The following TMEM177 variants were observed in gnomAD, a reference collection of about 807,000 sequenced individuals.
TMEM177 encodes the protein transmembrane protein 177.
A neutral mutation model predicts 14.2 loss-of-function variants in TMEM177; 4 were observed. The observed-to-expected ratio is 0.28, with a 90% CI of 0.14 to 0.64. The LOEUF is 0.64. Among genes scored for constraint, TMEM177 ranks in the 30% least tolerant of loss-of-function variants. The pLI is 0.82. For synonymous variants in TMEM177, 179 were observed against 174.5 expected (o/e 1.03, Z -0.20); for missense variants, 344 against 405.2 (o/e 0.85, Z 1.30).
downstream of TMEM177, among the ~76,000 whole-genome samples, chr2:119,689,019 C>A (rs759765542): frequency 6.6e-6 from 1 of 152,120 alleles, no homozygotes; most frequent in Non-Finnish European, 1.5e-5. Context: ...CCTGGGCAAG[C>A]CTTTCTCAGA....
At chr2:119,682,330 C>T (rs1170658125), downstream of TMEM177, among the ~76,000 whole-genome samples, 1 of 152,144 alleles carries the variant, frequency 6.6e-6, no homozygotes, top group East Asian at 1.9e-4. Flanking sequence ...AGTCAGGGCA[C>T]ACCTCAACAC....
chr2:119,703,918 C>A, the TMEM177 span, among the ~76,000 whole-genome samples: 1 of 152,248 alleles, frequency 6.6e-6, no homozygotes, highest in Non-Finnish European at 1.5e-5. Context: ...AACTTGTCCA[C>A]ATCTCTGTAA....
At chr2:119,701,175 C>G in the TMEM177 span, among the ~76,000 whole-genome samples, 3 of 152,120 alleles carry the variant, frequency 2.0e-5, no homozygotes, top group Non-Finnish European at 4.4e-5. Context: ...GTCCTTTGCC[C>G]CAGGGAAGAG....
At chr2:119,708,499 C>G in the TMEM177 span, among the ~76,000 whole-genome samples, 1 of 152,112 alleles carries the variant, frequency 6.6e-6, no homozygotes, top group African/African-American at 2.4e-5. Context: ...TATTCAAATT[C>G]CCCCGATTGT....
At chr2:119,719,103 A>G in the TMEM177 span, among the ~76,000 whole-genome samples, 1 of 152,098 alleles carries the variant, frequency 6.6e-6, no homozygotes, top group South Asian at 2.1e-4. Flanking sequence ...AATCATGCCC[A>G]CAGCTTAATG....
At chr2:119,679,756 C>CATG (rs1266427098) in intron 1 of TMEM177, 2 of 152,216 alleles carry the variant, frequency 1.3e-5, no homozygotes, top group Non-Finnish European at 2.9e-5. Context: ...CAAGATTGGC[C>CATG]ATGAGTTGAT....
chr2:119,712,785 T>C, the TMEM177 span, among the ~76,000 whole-genome samples: 2 of 152,182 alleles, frequency 1.3e-5, no homozygotes, highest in African/African-American at 4.8e-5. Flanking sequence ...GACAAAATGT[T>C]CCTTCCTGCA....
chr2:119,700,897 A>T, the TMEM177 span, among the ~76,000 whole-genome samples: 1 of 152,166 alleles, frequency 6.6e-6, no homozygotes, highest in African/African-American at 2.4e-5. Flanking sequence ...CTTTACATGC[A>T]TGCATTTGCA....
the TMEM177 span, among the ~76,000 whole-genome samples, chr2:119,691,864 A>G: frequency 6.6e-6 from 1 of 152,228 alleles, no homozygotes; most frequent in Non-Finnish European, 1.5e-5. Flanking sequence ...TTGCTGTGGC[A>G]GCAGCTGGAG....
rs758719136 is a variant in TMEM177, at chr2:119,681,373, C to T, written c.520C>T (p.Pro174Ser). 2.3e-5 allele frequency: 37 copies of T among 1,613,696 alleles called. No homozygotes were observed. The highest frequency in any genetic ancestry group is 2.6e-5 in the Non-Finnish European group (31 of 1,179,730). ...STTAVHALLA[P>S]ACLAGTWALG... ...CACTGCCGTGCACGCCCTGCTGGCC[C>T]CAGCTTGCCTGGCAGGGACCTGGGC... The change falls in exon 2 of 2, where the codon CCA becomes TCA. Residue 174 changes from proline to serine, a missense_variant. Physicochemically the swap from Pro to Ser is moderately conservative, Grantham distance 74. Transcript: ENST00000272521.
chr2:119,688,203 C>CA (rs1269342276), downstream of TMEM177, among the ~76,000 whole-genome samples: 6 of 152,174 alleles, frequency 3.9e-5, no homozygotes, highest in Middle Eastern at 3.4e-3. Context: ...AAATGAGGTA[C>CA]AATCTGCATG....
the TMEM177 span, among the ~76,000 whole-genome samples, chr2:119,718,356 C>T: frequency 6.6e-6 from 1 of 152,172 alleles, no homozygotes; most frequent in Non-Finnish European, 1.5e-5. Context: ...ATCCTCACTG[C>T]CCAGGGCTGA....
Position 119,681,963 on chromosome 2 carries a change from G to T in TMEM177, c.*174G>T. ...CTACTTATGAACTCAGGGACTATGA[G>T]GGACTATTCAGGGGCTATGAATCTG... On this transcript the variant is annotated 3_prime_UTR_variant, in exon 2 of 2. Coordinates refer to ENST00000272521, the MANE Select transcript of TMEM177 (RefSeq NM_030577.3). 1 of 629,030 alleles carries T rather than the reference G, an allele frequency of 1.6e-6. No individual in the cohort carries two copies. Among genetic ancestry groups the T allele is most frequent in the Non-Finnish European group, 2.8e-6 (1 of 353,582 alleles). The allele number at this position is 629,030 out of a possible 1,614,324, so 39.0% of individuals were successfully genotyped here.
chr2:119,717,605 C>CT, the TMEM177 span, among the ~76,000 whole-genome samples: 11,760 of 88,122 alleles, frequency 0.13, 1,078 homozygotes, highest in Middle Eastern at 0.2. Flanking sequence ...TGACTTGAGT[C>CT]TTTTTTTTTT....
chr2:119,701,089 C>G, the TMEM177 span, among the ~76,000 whole-genome samples: 1 of 152,226 alleles, frequency 6.6e-6, no homozygotes, highest in African/African-American at 2.4e-5. Flanking sequence ...AGTTCTGAAA[C>G]AGCAGGTTAT....
At chr2:119,694,318 C>T in the TMEM177 span, among the ~76,000 whole-genome samples, 1 of 151,462 alleles carries the variant, frequency 6.6e-6, no homozygotes, top group Non-Finnish European at 1.5e-5. Context: ...CCTCCACACA[C>T]ACCACTCACC....
chr2:119,684,314 C>G (rs1688974518), downstream of TMEM177, among the ~76,000 whole-genome samples: 1 of 152,276 alleles, frequency 6.6e-6, no homozygotes, highest in South Asian at 2.1e-4. Flanking sequence ...CCAGGGGAAA[C>G]TGTTCACTCA....
At chr2:119,710,035 T>C in the TMEM177 span, among the ~76,000 whole-genome samples, 1 of 152,120 alleles carries the variant, frequency 6.6e-6, no homozygotes, top group Admixed American at 6.5e-5. Context: ...GAGTTTTCTT[T>C]GGGGGTGATT....
At chr2:119,716,600 C>T in the TMEM177 span, among the ~76,000 whole-genome samples, 2 of 152,262 alleles carry the variant, frequency 1.3e-5, no homozygotes, top group Non-Finnish European at 2.9e-5. Context: ...TGACTTGGAG[C>T]TCCACATGCT....
Sources: gnomAD v4.1 joint callset for allele counts (sites outside exome capture counted in the v4.1 genomes callset) on GRCh38, gnomAD v4.1.1 for gene constraint, MANE v1.5 for transcripts, NCBI Gene and HGNC (gene_info 2026-07-23, HGNC 2026-07-21) for gene names.